Variants in ITSN1 observed in about 807,000 individuals in gnomAD.
ITSN1 encodes the protein intersectin-1.
ITSN1 carries 58 observed loss-of-function variants against 239.8 expected under a neutral mutation model. The ratio of observed to expected loss-of-function variants is 0.24; its 90% CI spans 0.20 to 0.30. The LOEUF is 0.30. ITSN1 is among the 10% of genes least tolerant of loss of function. The pLI is 1.00. For synonymous variants in ITSN1, 780 were observed against 770.8 expected (o/e 1.01, Z -0.20); for missense variants, 1,558 against 2,103.3 (o/e 0.74, Z 5.07).
At chr21:33,876,292 C>A (rs1983891990) in intron 34 of ITSN1, among the ~76,000 whole-genome samples, 1 of 141,362 alleles carries the variant, frequency 7.1e-6, no homozygotes, top group African/African-American at 2.7e-5. Context: ...CTTTCCTTCT[C>A]TCTCTCTTTC....
chr21:33,836,454 T>G lies in ITSN1; in HGVS notation c.3483T>G (p.Ile1161Met). Reference sequence around the variant, plus strand: ...TGTCTCCTGCAGTGTGCCAGGTGATTGGGATGTACGACTACACCGCGCAGA... The same window carrying G: ...TGTCTCCTGCAGTGTGCCAGGTGATGGGGATGTACGACTACACCGCGCAGA... ...STALAAVCQV[I>M]GMYDYTAQND... The change falls in exon 29 of 40, where the codon ATT becomes ATG. Residue 1161 changes from isoleucine to methionine, a missense_variant. Ile to Met is a conservative substitution (Grantham distance 10, BLOSUM62 1). Coordinates refer to ENST00000381318, the MANE Select transcript of ITSN1 (RefSeq NM_003024.3). 1 of 1,607,188 alleles carries G rather than the reference T, an allele frequency of 6.2e-7. No individual in the cohort carries two copies. The highest frequency in any genetic ancestry group is 8.5e-7 in the Non-Finnish European group (1 of 1,175,540).
In ITSN1 at chr21:33,753,613, T is replaced by G. The variant is rs559030075; in HGVS notation, c.624-1684T>G. On this transcript the variant is annotated intron_variant, in intron 7 of 39. Coordinates refer to ENST00000381318, the MANE Select transcript of ITSN1 (RefSeq NM_003024.3). ...CCGTCTCTACTAAAAATACAAAAAA[T>G]TAGCTGGGCGTGGTGGCGGGCACCT... is the stretch of plus-strand genomic sequence containing the variant. Among the ~76,000 whole-genome samples the G allele has an allele frequency of 2.6e-5, 4 of 151,832 alleles. No homozygotes were observed. The East Asian group carries it at 7.7e-4, about 29-fold the overall frequency.
At chr21:33,679,491 A>T (rs1169053032) in intron 1 of ITSN1, among the ~76,000 whole-genome samples, 2 of 152,196 alleles carry the variant, frequency 1.3e-5, no homozygotes, top group African/African-American at 4.8e-5. Context: ...CTACATTTTA[A>T]TCAGTAAATA....
chr21:33,690,806 T>TATATATATAC (rs2091493559), intron 1 of ITSN1, among the ~76,000 whole-genome samples: 1 of 18,442 alleles, frequency 5.4e-5, no homozygotes, highest in Non-Finnish European at 1.0e-4. Flanking sequence ...TATATATATA[T>TATATATATAC]ATATATATGT....
chr21:33,716,749 C>T (rs761629201), intron 1 of ITSN1, among the ~76,000 whole-genome samples: 11 of 150,848 alleles, frequency 7.3e-5, no homozygotes, highest in Non-Finnish European at 1.5e-4. Flanking sequence ...GTCAGGAGTT[C>T]GAGACCAGCC....
At chr21:33,771,377 C>T (rs967732386) in intron 11 of ITSN1, among the ~76,000 whole-genome samples, 10 of 152,020 alleles carry the variant, frequency 6.6e-5, no homozygotes, top group South Asian at 6.2e-4. Flanking sequence ...AGGAGGATTG[C>T]GTGAGGCCAA....
At chr21:33,654,856 ACTCTCTTCC>A (rs2088897267) in intron 1 of ITSN1, among the ~76,000 whole-genome samples, 1 of 151,922 alleles carries the variant, frequency 6.6e-6, no homozygotes, top group Non-Finnish European at 1.5e-5. Context: ...GCATTAAGCC[ACTCTCTTCC>A]AGTCTGTTCT....
At chr21:33,863,483 C>T (rs1314941740) in intron 31 of ITSN1, among the ~76,000 whole-genome samples, 1 of 152,164 alleles carries the variant, frequency 6.6e-6, no homozygotes, top group Non-Finnish European at 1.5e-5. Flanking sequence ...TGGCGAAACC[C>T]CATCTCTACT....
At chr21:33,867,979 A>G (rs913142760) in intron 33 of ITSN1, among the ~76,000 whole-genome samples, 1 of 152,220 alleles carries the variant, frequency 6.6e-6, no homozygotes. Context: ...TACAGCTCAT[A>G]AAAGCAGTGT....
At chr21:33,834,671 A>C (rs959738435) in intron 28 of ITSN1, among the ~76,000 whole-genome samples, 1 of 152,184 alleles carries the variant, frequency 6.6e-6, no homozygotes. Context: ...TGCAGGAGTC[A>C]TGAATGCTGT....
At chr21:33,710,928 C>T (rs545228243) in intron 1 of ITSN1, among the ~76,000 whole-genome samples, 3 of 151,856 alleles carry the variant, frequency 2.0e-5, no homozygotes, top group African/African-American at 7.2e-5. Flanking sequence ...GCCTCAGCCT[C>T]CTGAGCAGCT....
chr21:33,753,246 G>A (rs1340287291), intron 7 of ITSN1, among the ~76,000 whole-genome samples: 1 of 152,022 alleles, frequency 6.6e-6, no homozygotes, highest in Non-Finnish European at 1.5e-5. Context: ...TTTAATTGCG[G>A]TTTTACCCTT....
intron 33 of ITSN1, 89 bp from the exon 34 acceptor site, chr21:33,875,265 C>T: frequency 6.9e-7 from 1 of 1,441,220 alleles, no homozygotes; most frequent in South Asian, 1.2e-5. Context: ...TGGTGCCCTG[C>T]CCCGCTGGGC....
chr21:33,752,661 G>A (rs940140210), intron 7 of ITSN1, among the ~76,000 whole-genome samples: 5 of 152,228 alleles, frequency 3.3e-5, no homozygotes, highest in Admixed American at 2.6e-4. Flanking sequence ...TGAGGCAGGA[G>A]GATCGCTTGA....
chr21:33,876,117 C>CTT (rs1983746318), intron 34 of ITSN1, among the ~76,000 whole-genome samples: 1 of 14,724 alleles, frequency 6.8e-5, no homozygotes, highest in East Asian at 5.2e-3. Flanking sequence ...TTCTTTCTTT[C>CTT]TTTCTTTCTT....
intron 1 of ITSN1, among the ~76,000 whole-genome samples, chr21:33,662,726 C>T (rs956174968): frequency 1.3e-5 from 2 of 152,148 alleles, no homozygotes; most frequent in Non-Finnish European, 2.9e-5. Flanking sequence ...TTTAGAAGGA[C>T]TTCTGGTATT....
intron 16 of ITSN1, among the ~76,000 whole-genome samples, chr21:33,789,603 A>G (rs1310146541): frequency 6.6e-6 from 1 of 152,146 alleles, no homozygotes; most frequent in Non-Finnish European, 1.5e-5. Flanking sequence ...TTCTCTTCAT[A>G]TACATTATGC....
At position 33,882,104 on chromosome 21, in the gene ITSN1, C is replaced by T. The variant is rs1396147134; in HGVS notation, c.4342-139C>T. 1.5e-6 allele frequency: 1 copy of T among 683,852 alleles called. No individual in the cohort carries two copies. The highest frequency in any genetic ancestry group is 1.8e-5 in the African/African-American group (1 of 55,326). 42.4% of individuals were successfully genotyped at this position (683,852 alleles called of 1,614,324 possible). A position where few individuals can be genotyped will look rare whatever the true frequency, so the allele number is the denominator to read the frequency against. On this transcript the variant is annotated intron_variant, in intron 34 of 39. Coordinates refer to ENST00000381318, the MANE Select transcript of ITSN1 (RefSeq NM_003024.3). This position sits in a 1 kb window ranked among gnomAD's most constrained non-coding sequence, Gnocchi z 4.5. Reference sequence around the variant, plus strand: ...TTGTCTGACTTTGATCTCTTGGCTCCAAAGTCTTCAAAGCTATCCTTGACT... The same window carrying T: ...TTGTCTGACTTTGATCTCTTGGCTCTAAAGTCTTCAAAGCTATCCTTGACT...
chr21:33,645,940 T>G (rs1601398919), intron 1 of ITSN1, among the ~76,000 whole-genome samples: 1 of 152,230 alleles, frequency 6.6e-6, no homozygotes, highest in Admixed American at 6.5e-5. Context: ...TTACCTGTCG[T>G]ACACCTTTCA....
Sources: allele counts gnomAD v4.1 joint callset (sites outside exome capture counted in the v4.1 genomes callset), GRCh38; gene constraint gnomAD v4.1.1; non-coding constraint Gnocchi (gnomAD v3.1); transcripts MANE v1.5; gene names NCBI Gene and HGNC (gene_info 2026-07-23, HGNC 2026-07-21).